Variants in ECI1 observed in about 807,000 individuals in gnomAD.
ECI1 encodes enoyl-CoA delta isomerase 1.
A neutral mutation model predicts 34.2 loss-of-function variants in ECI1; 34 were observed. The ratio of observed to expected loss-of-function variants is 1.00; its 90% CI spans 0.76 to 1.33. The LOEUF is 1.33. ECI1 is among the 40% of genes most tolerant of loss of function. The pLI is 0.00. For synonymous variants in ECI1, 211 were observed against 193.0 expected (o/e 1.09, Z -0.77); for missense variants, 456 against 422.2 (o/e 1.08, Z -0.70).
intron 2 of ECI1, among the ~76,000 whole-genome samples, chr16:2,250,823 A>T (rs1021402944): frequency 6.6e-6 from 1 of 151,810 alleles, no homozygotes; most frequent in Non-Finnish European, 1.5e-5. Context: ...CTTTATTTTT[A>T]TTTATTTATT....
chr16:2,245,057 G>A (rs573592702), intron 3 of ECI1, among the ~76,000 whole-genome samples: 1 of 152,302 alleles, frequency 6.6e-6, no homozygotes, highest in South Asian at 2.1e-4. Context: ...GGTGAGCACA[G>A]GTGGAAGGGA....
Position 2,244,662 on chromosome 16 carries a change from G to A in ECI1, c.295-110C>T, listed in dbSNP as rs930232433. ...ACGACGCACAGCAGGGCCAGGTCAC[G>A]CTCAGGGTGTGGGTGCTGCCCCACA... On this transcript the variant is annotated intron_variant, in intron 3 of 6. Coordinates refer to ENST00000301729, the MANE Select transcript of ECI1 (RefSeq NM_001919.4). 3.5e-5 allele frequency: 43 copies of A among 1,228,404 alleles called. No homozygotes were observed. In the African/African-American group the frequency reaches 3.6e-4, roughly 10 times the overall value. 76.1% of individuals were successfully genotyped at this position (1,228,404 alleles called of 1,614,324 possible).
intron 2 of ECI1, among the ~76,000 whole-genome samples, chr16:2,249,459 G>C (rs533025712): frequency 6.6e-6 from 1 of 152,204 alleles, no homozygotes; most frequent in East Asian, 1.9e-4. Context: ...TGGTAAATGT[G>C]AGGCATATTT....
chr16:2,249,697 C>T (rs1428669961), intron 2 of ECI1, among the ~76,000 whole-genome samples: 22 of 149,030 alleles, frequency 1.5e-4, no homozygotes, highest in African/African-American at 4.4e-4. Flanking sequence ...TGGTGAAACC[C>T]CGTCTCCACT....
At chr16:2,251,470 T>C (rs1567316348) in intron 1 of ECI1, 41 bp from the exon 2 acceptor site, 3 of 1,538,800 alleles carry the variant, frequency 1.9e-6, no homozygotes, top group Admixed American at 3.9e-5. Context: ...TTCCCGGTCC[T>C]GGCCCCGGCC....
rs1407037027 is a variant in ECI1, at chr16:2,239,967, G to A, written c.*12C>T. On this transcript the variant is annotated 3_prime_UTR_variant, in exon 7 of 7. Coordinates refer to ENST00000301729, the MANE Select transcript of ECI1 (RefSeq NM_001919.4). ...GGGCACGTGTGGCCGTAAGCCTGTG[G>A]CAGCCCAATCGTTAGCCTTTTTCTT... 8.1e-6 allele frequency: 13 copies of A among 1,613,502 alleles called. No individual in the cohort carries two copies. Among genetic ancestry groups the A allele is most frequent in the African/African-American group, 2.7e-5 (2 of 75,068 alleles).
intron 6 of ECI1, among the ~76,000 whole-genome samples, chr16:2,241,307 CT>C (rs1189664178): frequency 6.6e-6 from 1 of 152,010 alleles, no homozygotes; most frequent in African/African-American, 2.4e-5. Flanking sequence ...ATAGTTTTTA[CT>C]TTTTTTGAGA....
Position 2,243,371 on chromosome 16 carries a change from G to A in ECI1, c.510C>T (p.Pro170=). ...TCDYRILADN[P]RYCIGLNETQ... is the part of the protein sequence containing the mutation. ...TCTCATTGAGTCCTATGCAGTACCTGGGGTTGTCCGCCAGGATGCGGTAGT... is the reference window on the plus strand; with the variant it reads ...TCTCATTGAGTCCTATGCAGTACCTAGGGTTGTCCGCCAGGATGCGGTAGT... Residue 170 remains proline, a synonymous_variant, in exon 5 of 7, where the codon CCC becomes CCT. Coordinates refer to ENST00000301729, the MANE Select transcript of ECI1 (RefSeq NM_001919.4). 6.2e-7 allele frequency: 1 copy of A among 1,613,750 alleles called. No homozygotes were observed. The highest frequency in any genetic ancestry group is 8.5e-7 in the Non-Finnish European group (1 of 1,180,018).
rs780396512 is a variant in ECI1, at chr16:2,243,455, G to A, written c.442-16C>T. On this transcript the variant is annotated splice_polypyrimidine_tract_variant and intron_variant, in intron 4 of 6. Transcript: ENST00000301729. ...GGCAGGCTCCCTGCAGGGAGAGGCC[G>A]GACAGGGCTCTTAGGTGCTGCTGGT... The A allele has an allele frequency of 1.9e-5, 30 of 1,610,726 alleles. No homozygotes were observed. The highest frequency in any genetic ancestry group is 2.7e-5 in the African/African-American group (2 of 74,918).
intron 2 of ECI1, 67 bp downstream of exon 2, chr16:2,251,248 AC>A: frequency 1.3e-6 from 1 of 749,000 alleles, no homozygotes; most frequent in Non-Finnish European, 1.7e-6. Context: ...CTCCGACAGC[AC>A]CCCGCGAGCG....
Position 2,251,319 on chromosome 16 carries a change from C to T in ECI1, c.163G>A (p.Ala55Thr). The change falls in exon 2 of 7, where the codon GCA becomes ACA. Residue 55 changes from alanine (A) to threonine (T), a missense_variant. Transcript: ENST00000301729. ...TCCCTCGGCGCCGCCCGCTCACCTG[C>T]GCCCGCGTCCGGCTCCACCAGCACC... ...QRVLVEPDAG[A>T]GVAVMKFKNP... The T allele has an allele frequency of 8.2e-7, 1 of 1,216,514 alleles. No individual in the cohort carries two copies. The highest frequency in any genetic ancestry group is 1.0e-6 in the Non-Finnish European group (1 of 971,984). 75.4% of individuals were successfully genotyped at this position (1,216,514 alleles called of 1,614,324 possible).
At chr16:2,244,378 G>A (rs1234230567) in intron 4 of ECI1, 28 bp downstream of exon 4, 8 of 1,609,572 alleles carry the variant, frequency 5.0e-6, no homozygotes, top group East Asian at 2.2e-5. Flanking sequence ...AACAGCCAGC[G>A]AGGCCACCTG....
intron 6 of ECI1, among the ~76,000 whole-genome samples, chr16:2,241,458 G>A (rs1261787757): frequency 3.3e-5 from 5 of 151,754 alleles, no homozygotes; most frequent in African/African-American, 9.7e-5. Flanking sequence ...CCCCACACCC[G>A]GCTAATTTTT....
rs1596787472 is a variant in ECI1 at position 2,246,949 on chromosome 16, G to A, written c.204C>T (p.Asn68=). 2 of 1,613,842 alleles carry A rather than the reference G, an allele frequency of 1.2e-6. No individual in the cohort carries two copies. The highest frequency in any genetic ancestry group is 2.2e-5 in the East Asian group (1 of 44,886). The change falls in exon 3 of 7, where the codon AAC becomes AAT. Residue 68 remains asparagine (N), a synonymous_variant. Transcript: ENST00000301729. ...AVMKFKNPPV[N]SLSLEFLTEL... Reference sequence around the variant, plus strand: ...CCGTCAGAAACTCCAGGCTCAGGCTGTTCACTGGGGGGTTCTTGAATTTCA... The same window carrying A: ...CCGTCAGAAACTCCAGGCTCAGGCTATTCACTGGGGGGTTCTTGAATTTCA...
rs1476491279 is a variant in ECI1 at position 2,242,890 on chromosome 16, C to A, written c.742+156G>T. ...ATGAGCTTCTGCGGTCTGGGCCACC[C>A]GGTCTGTGCTGCGTTGTTACAGCAG... On this transcript the variant is annotated intron_variant, in intron 6 of 6. Transcript: ENST00000301729. The A allele has an allele frequency of 1.3e-5, 9 of 669,130 alleles. No homozygotes were observed. The East Asian group carries it at 2.4e-4, about 18-fold the overall frequency. 41.4% of individuals were successfully genotyped at this position (669,130 alleles called of 1,614,324 possible).
In ECI1 at chr16:2,246,878, C is replaced by G. The variant is rs576184725; in HGVS notation, c.275G>C (p.Arg92Pro). Residue 92 changes from arginine to proline, a missense_variant, in exon 3 of 7, where the codon CGC becomes CCC. Coordinates refer to ENST00000301729, the MANE Select transcript of ECI1 (RefSeq NM_001919.4). ...ACCTACCGAGGTCAGAATGACACCG[C>G]GGAAGCTCTTGTCATTCTCCAGCTT... ...LEKLENDKSF[R>P]GVILTSDRPG... is the part of the protein sequence containing the mutation. 1 of 1,613,176 alleles carries G rather than the reference C, an allele frequency of 6.2e-7. No homozygotes were observed. Among genetic ancestry groups the G allele is most frequent in the Admixed American group, 1.7e-5 (1 of 60,012 alleles).
intron 3 of ECI1, among the ~76,000 whole-genome samples, chr16:2,244,916 T>C (rs2093536784): frequency 6.6e-6 from 1 of 152,158 alleles, no homozygotes; most frequent in Non-Finnish European, 1.5e-5. Flanking sequence ...CCAGAGGAGC[T>C]GCACGTTCTG....
intron 2 of ECI1, among the ~76,000 whole-genome samples, chr16:2,247,854 G>T (rs1408942631): frequency 6.6e-6 from 1 of 152,032 alleles, no homozygotes; most frequent in African/African-American, 2.4e-5. Flanking sequence ...TTATAGGCAA[G>T]CGCCACCACA....
rs2093531631 is a variant in ECI1, at chr16:2,243,110, C to T, written c.678G>A (p.Val226=). ...EALQVGIVDQ[V]VPEEQVQSTA... is the part of the protein sequence containing the mutation. ...TGCTCTGCACCTGCTCCTCCGGGACCACCTGGTCCACTATGCCCACCTGCA... is the reference window on the plus strand; with the variant it reads ...TGCTCTGCACCTGCTCCTCCGGGACTACCTGGTCCACTATGCCCACCTGCA... The change falls in exon 6 of 7, where the codon GTG becomes GTA. Residue 226 remains valine, a synonymous_variant. Coordinates refer to ENST00000301729, the MANE Select transcript of ECI1 (RefSeq NM_001919.4). The T allele has an allele frequency of 3.7e-6, 6 of 1,606,084 alleles. No individual in the cohort carries two copies. In the East Asian group the frequency reaches 1.3e-4, roughly 36 times the overall value.
Sources: gnomAD v4.1 joint callset for allele counts (sites outside exome capture counted in the v4.1 genomes callset) on GRCh38, gnomAD v4.1.1 for gene constraint, MANE v1.5 for transcripts, NCBI Gene and HGNC (gene_info 2026-07-23, HGNC 2026-07-21) for gene names.